Variants in MOB3B observed in about 807,000 individuals in gnomAD.
The protein encoded by MOB3B is MOB kinase activator-like 2B.
MOB3B carries 7 observed loss-of-function variants against 18.7 expected under a neutral mutation model. The observed-to-expected ratio is 0.37, with a 90% CI of 0.21 to 0.70. MOB3B has a LOEUF of 0.70. Among genes scored for constraint, MOB3B ranks in the 30% least tolerant of loss-of-function variants. The pLI, the probability that MOB3B is intolerant of heterozygous loss-of-function variation, is 0.52. For missense variants in MOB3B, 253 were observed against 281.3 expected, an observed-to-expected ratio of 0.90 and a Z score of 0.72; for synonymous variants, 111 against 99.9, an observed-to-expected ratio of 1.11 and a Z score of -0.66.
intron 2 of MOB3B, among the ~76,000 whole-genome samples, chr9:27,425,518 T>TGGG (rs1156908551): frequency 6.6e-6 from 1 of 152,188 alleles, no homozygotes; most frequent in African/African-American, 2.4e-5. Context: ...CAGCAGAGCC[T>TGGG]GGGGCAGCAC....
chr9:27,438,908 A>G (rs1429456050), intron 2 of MOB3B, among the ~76,000 whole-genome samples: 1 of 152,008 alleles, frequency 6.6e-6, no homozygotes, highest in African/African-American at 2.4e-5. Flanking sequence ...AAGTCCAGGA[A>G]CCTACCACTG....
At chr9:27,335,725 C>A (rs1292929689) in intron 3 of MOB3B, among the ~76,000 whole-genome samples, 3 of 152,180 alleles carry the variant, frequency 2.0e-5, no homozygotes, top group Non-Finnish European at 2.9e-5. Context: ...CTTTAACGCT[C>A]TTGACCAGTT....
intron 2 of MOB3B, among the ~76,000 whole-genome samples, chr9:27,363,171 G>A (rs564149367): frequency 2.0e-5 from 3 of 152,320 alleles, no homozygotes; most frequent in African/African-American, 7.2e-5. Context: ...AAAAGAAAAG[G>A]GAATTCCAAA....
chr9:27,518,069 T>A (rs1458043000), intron 1 of MOB3B, among the ~76,000 whole-genome samples: 1 of 152,186 alleles, frequency 6.6e-6, no homozygotes, highest in African/African-American at 2.4e-5. Flanking sequence ...AGCATGTGAA[T>A]CCTCTGCCAG....
chr9:27,391,166 C>A (rs924382516), intron 2 of MOB3B, among the ~76,000 whole-genome samples: 5 of 152,194 alleles, frequency 3.3e-5, no homozygotes, highest in African/African-American at 1.2e-4. Flanking sequence ...GAAACGAGGT[C>A]TTGGGAAGAA....
Position 27,529,713 on chromosome 9 carries a change from A to G in MOB3B, c.-357T>C. The G allele has an allele frequency of 1.0e-6, 1 of 985,354 alleles. No homozygotes were observed. Among genetic ancestry groups the G allele is most frequent in the Non-Finnish European group, 1.2e-6 (1 of 829,908 alleles). 61.0% of individuals were successfully genotyped at this position (985,354 alleles called of 1,614,324 possible). ...CGGTGCGCGAGGTCCCGGCGAGCCA[A>G]CCGGCGGACGGGCGAGCGCCTGGCT... On this transcript the variant is annotated 5_prime_UTR_variant, in exon 1 of 4. Transcript: ENST00000262244.
At position 27,404,146 on chromosome 9, in the gene MOB3B, C is replaced by CT. The variant is rs1044454757; in HGVS notation, c.419-44911dup. ...TCTATTCTCTATCTCCATGACTACC[C>CT]TTTTTTTTTCTTTTTGGTTCCCACA... On this transcript the variant is annotated intron_variant, in intron 2 of 3. Transcript: ENST00000262244. Among the ~76,000 whole-genome samples, 9 of 150,734 alleles carry CT rather than the reference C, an allele frequency of 6.0e-5. No homozygotes were observed. In the South Asian group the frequency reaches 6.3e-4, roughly 11 times the overall value.
At chr9:27,525,546 G>A (rs975162043) in intron 1 of MOB3B, among the ~76,000 whole-genome samples, 3 of 152,158 alleles carry the variant, frequency 2.0e-5, no homozygotes, top group Non-Finnish European at 4.4e-5. Flanking sequence ...CTTTAAGAGT[G>A]AAGATCCATA....
intron 2 of MOB3B, among the ~76,000 whole-genome samples, chr9:27,449,487 C>T (rs568383643): frequency 2.0e-5 from 3 of 152,246 alleles, no homozygotes; most frequent in South Asian, 2.1e-4. Context: ...AGTTTACAAA[C>T]GAATGGAAAC....
At chr9:27,350,944 C>T (rs143255075) in intron 3 of MOB3B, among the ~76,000 whole-genome samples, 1 of 151,360 alleles carries the variant, frequency 6.6e-6, no homozygotes, top group African/African-American at 2.4e-5. Context: ...CTGTTGTGCC[C>T]CAGGCTGGAG....
At chr9:27,497,846 A>G (rs1449746443) in intron 1 of MOB3B, among the ~76,000 whole-genome samples, 4 of 152,210 alleles carry the variant, frequency 2.6e-5, no homozygotes. Context: ...TAGATTCTCT[A>G]CCAACTACCT....
chr9:27,513,696 T>C (rs1031742130), intron 1 of MOB3B, among the ~76,000 whole-genome samples: 2 of 152,238 alleles, frequency 1.3e-5, no homozygotes, highest in African/African-American at 4.8e-5. Flanking sequence ...CCTTCAGGTC[T>C]TAGCTCATCC....
rs772916737 is a variant in MOB3B at position 27,349,767 on chromosome 9, CTGAGTT to C, written c.621+9261_621+9266del. 7.0e-4 allele frequency among the ~76,000 whole-genome samples: 106 copies of C among 152,158 alleles called. 1 individual carries two copies. Among genetic ancestry groups the C allele is most frequent in the Non-Finnish European group, 2.1e-4 (14 of 68,032 alleles). Reference sequence around the variant, plus strand: ...AGGGAGAAATGTTGAGCAGAAGGTACTGAGTTTTATTTATTCCTATCAATAAAGTAG... The same window carrying C: ...AGGGAGAAATGTTGAGCAGAAGGTACTTATTTATTCCTATCAATAAAGTAG... On this transcript the variant is annotated intron_variant, in intron 3 of 3. Coordinates refer to ENST00000262244, the MANE Select transcript of MOB3B (RefSeq NM_024761.5).
chr9:27,350,146 C>A (rs1378620805), intron 3 of MOB3B, among the ~76,000 whole-genome samples: 2 of 151,446 alleles, frequency 1.3e-5, no homozygotes, highest in Non-Finnish European at 2.9e-5. Flanking sequence ...GTTGGAAAAG[C>A]CTTTTCAAGT....
chr9:27,350,444 C>G lies in MOB3B; in HGVS notation c.621+8590G>C, dbSNP rs141291746. Among the ~76,000 whole-genome samples, 42 of 152,160 alleles carry G rather than the reference C, an allele frequency of 2.8e-4. 1 individual carries two copies. The highest frequency in any genetic ancestry group is 8.5e-4 in the Admixed American group (13 of 15,282). Reference sequence around the variant, plus strand: ...ACTATAATTGATCATATTTTAGGCCCTGAAACAAATCAGACCACATCTCAT... The same window carrying G: ...ACTATAATTGATCATATTTTAGGCCGTGAAACAAATCAGACCACATCTCAT... On this transcript the variant is annotated intron_variant, in intron 3 of 3. Coordinates refer to ENST00000262244, the MANE Select transcript of MOB3B (RefSeq NM_024761.5).
intron 2 of MOB3B, among the ~76,000 whole-genome samples, chr9:27,369,503 C>T (rs1821383582): frequency 6.6e-6 from 1 of 152,226 alleles, no homozygotes; most frequent in African/African-American, 2.4e-5. Context: ...GAAGGACCTT[C>T]CCAATACGCA....
chr9:27,486,600 G>A (rs1819732715), intron 1 of MOB3B, among the ~76,000 whole-genome samples: 1 of 152,124 alleles, frequency 6.6e-6, no homozygotes, highest in Non-Finnish European at 1.5e-5. Context: ...CTTTCACCTG[G>A]CATTCAAGGG....
chr9:27,336,509 G>A (rs1587138492), intron 3 of MOB3B, among the ~76,000 whole-genome samples: 1 of 152,238 alleles, frequency 6.6e-6, no homozygotes, highest in African/African-American at 2.4e-5. Flanking sequence ...GTGGTAAGGA[G>A]CAGGAGGACC....
intron 3 of MOB3B, among the ~76,000 whole-genome samples, chr9:27,344,796 G>C (rs1821006891): frequency 6.6e-6 from 1 of 152,216 alleles, no homozygotes; most frequent in South Asian, 2.1e-4. Context: ...ATCCCTTCTG[G>C]ATGTGCTGTG....
Sources: allele counts gnomAD v4.1 joint callset (sites outside exome capture counted in the v4.1 genomes callset), GRCh38; gene constraint gnomAD v4.1.1; transcripts MANE v1.5; gene names NCBI Gene and HGNC (gene_info 2026-07-23, HGNC 2026-07-21).